LYPLAL1: variants seen among roughly 807,000 people sequenced by gnomAD.
LYPLAL1 encodes the protein lysophospholipase-like protein 1.
LYPLAL1 carries 23 observed loss-of-function variants against 19.7 expected under a neutral mutation model. That is an observed-to-expected ratio of 1.17 (90% CI 0.84 to 1.65). LYPLAL1 has a LOEUF of 1.65. Among genes scored for constraint, LYPLAL1 ranks in the 40% most tolerant of loss-of-function variants. The pLI is 0.00. For synonymous variants in LYPLAL1, 119 were observed against 96.3 expected (o/e 1.24, Z -1.38); for missense variants, 355 against 279.4 (o/e 1.27, Z -1.93).
the LYPLAL1 span, among the ~76,000 whole-genome samples, chr1:219,349,315 G>A: frequency 6.6e-5 from 10 of 152,156 alleles, no homozygotes; most frequent in African/African-American, 2.4e-4. Context: ...TGTGTTAGGA[G>A]CTAACCTAGA....
the LYPLAL1 span, among the ~76,000 whole-genome samples, chr1:219,421,888 G>T: frequency 6.6e-6 from 1 of 152,160 alleles, no homozygotes; most frequent in South Asian, 2.1e-4. Context: ...TTTTTAGGTG[G>T]TTACTCTTTG....
intron 3 of LYPLAL1, among the ~76,000 whole-genome samples, chr1:219,202,718 C>G (rs1266793961): frequency 6.6e-6 from 1 of 152,140 alleles, no homozygotes; most frequent in African/African-American, 2.4e-5. Flanking sequence ...TGCTGTGTTG[C>G]CCAGGCTGAA....
the LYPLAL1 span, among the ~76,000 whole-genome samples, chr1:219,415,687 G>T: frequency 1.1e-3 from 160 of 152,300 alleles, no homozygotes; most frequent in African/African-American, 3.7e-3. Flanking sequence ...GGCATAAACT[G>T]TGTGGCTTAA....
chr1:219,345,007 C>T, the LYPLAL1 span, among the ~76,000 whole-genome samples: 1 of 152,166 alleles, frequency 6.6e-6, no homozygotes, highest in Admixed American at 6.5e-5. Context: ...ACTCACATAT[C>T]ATTTTGTCCT....
intron 1 of LYPLAL1, 93 bp downstream of exon 1, chr1:219,174,074 G>T (rs747317729): frequency 2.6e-6 from 4 of 1,558,532 alleles, no homozygotes; most frequent in Non-Finnish European, 3.5e-6. Flanking sequence ...GTGTCGCCGG[G>T]CCCAAATAGG....
chr1:219,284,365 C>T, the LYPLAL1 span, among the ~76,000 whole-genome samples: 2 of 152,104 alleles, frequency 1.3e-5, no homozygotes, highest in South Asian at 2.1e-4. Context: ...CCTCATTCAT[C>T]GTATTCAGAA....
chr1:219,314,627 G>A, the LYPLAL1 span, among the ~76,000 whole-genome samples: 2 of 152,122 alleles, frequency 1.3e-5, no homozygotes, highest in South Asian at 2.1e-4. Context: ...CGTATTTTTA[G>A]TAGAGACGGG....
the LYPLAL1 span, among the ~76,000 whole-genome samples, chr1:219,328,989 A>G: frequency 1.3e-5 from 2 of 152,134 alleles, no homozygotes; most frequent in African/African-American, 4.8e-5. Flanking sequence ...GGTTTTCATA[A>G]GTAACTTTCA....
chr1:219,193,276 T>G (rs763041711), intron 3 of LYPLAL1, 25 bp downstream of exon 3: 2 of 1,577,686 alleles, frequency 1.3e-6, no homozygotes, highest in South Asian at 2.3e-5. Flanking sequence ...TGTTGGTAAT[T>G]TATCACTGTT....
the LYPLAL1 span, among the ~76,000 whole-genome samples, chr1:219,318,626 A>G: frequency 0.019 from 2,894 of 152,324 alleles, 97 homozygotes; most frequent in African/African-American, 0.065. Context: ...CTCAAAGACC[A>G]CAACCCATAA....
At chr1:219,332,067 AG>A in the LYPLAL1 span, among the ~76,000 whole-genome samples, 1 of 152,194 alleles carries the variant, frequency 6.6e-6, no homozygotes, top group African/African-American at 2.4e-5. Context: ...TGTAAGGAAA[AG>A]ACTGAAGCAG....
intron 2 of LYPLAL1, among the ~76,000 whole-genome samples, chr1:219,191,958 T>G (rs1178785010): frequency 6.6e-6 from 1 of 150,588 alleles, no homozygotes; most frequent in Non-Finnish European, 1.5e-5. Flanking sequence ...GTTTCCAGGT[T>G]TTTTTTTTAG....
chr1:219,179,630 A>G (rs1042652934), intron 2 of LYPLAL1, among the ~76,000 whole-genome samples: 4 of 152,258 alleles, frequency 2.6e-5, no homozygotes, highest in African/African-American at 9.6e-5. Flanking sequence ...GCCAGAATTC[A>G]TAATCTCTGG....
chr1:219,433,098 T>A, the LYPLAL1 span, among the ~76,000 whole-genome samples: 1 of 152,188 alleles, frequency 6.6e-6, no homozygotes, highest in African/African-American at 2.4e-5. Context: ...TAACATGACC[T>A]GCTGGATTAA....
the LYPLAL1 span, among the ~76,000 whole-genome samples, chr1:219,291,847 G>A: frequency 2.7e-5 from 4 of 149,018 alleles, no homozygotes; most frequent in African/African-American, 7.4e-5. Context: ...GTCATCAAAC[G>A]CCACCATTCA....
chr1:219,232,315 C>G, the LYPLAL1 span, among the ~76,000 whole-genome samples: 1 of 150,122 alleles, frequency 6.7e-6, no homozygotes, highest in Admixed American at 6.6e-5. Flanking sequence ...TACATACACA[C>G]AAACATATAT....
the LYPLAL1 span, among the ~76,000 whole-genome samples, chr1:219,241,098 ATCTCTCTCTC>A: frequency 2.9e-4 from 17 of 59,240 alleles, no homozygotes; most frequent in East Asian, 2.2e-3. Context: ...AATATATATA[ATCTCTCTCTC>A]TCTCTCTCTC....
chr1:219,290,865 T>G, the LYPLAL1 span, among the ~76,000 whole-genome samples: 1 of 152,190 alleles, frequency 6.6e-6, no homozygotes, highest in Admixed American at 6.5e-5. Flanking sequence ...TGGCAGGTAT[T>G]CACAAAGTTT....
the LYPLAL1 span, among the ~76,000 whole-genome samples, chr1:219,241,132 CTCTATATATA>C: frequency 6.5e-3 from 371 of 57,498 alleles, 4 homozygotes; most frequent in South Asian, 0.011. Flanking sequence ...CTCTCTCTCT[CTCTATATATA>C]TATATATATA....
Sources: gnomAD v4.1 joint callset for allele counts (sites outside exome capture counted in the v4.1 genomes callset) on GRCh38, gnomAD v4.1.1 for gene constraint, MANE v1.5 for transcripts, NCBI Gene and HGNC (gene_info 2026-07-23, HGNC 2026-07-21) for gene names.